Variants in NELL1 observed in about 807,000 individuals in gnomAD.
NELL1 encodes the protein neural EGFL like 1, also known as protein kinase C-binding protein NELL1.
In NELL1, 76 loss-of-function variants were observed where a neutral mutation model predicts 107.4. That is an observed-to-expected ratio of 0.71 (90% confidence interval 0.59 to 0.86). NELL1 has a LOEUF of 0.86. Ranked by LOEUF, NELL1 falls within the 40% of genes least tolerant of loss-of-function variation. NELL1 has a pLI of 0.00. For missense variants in NELL1, 1,024 were observed against 1,005.5 expected, an observed-to-expected ratio of 1.02 and a Z score of -0.25; for synonymous variants, 353 against 341.2, an observed-to-expected ratio of 1.03 and a Z score of -0.38.
chr11:20,885,169 CAG>C, intron 4 of NELL1, among the ~76,000 whole-genome samples: 1 of 152,310 alleles, frequency 6.6e-6, no homozygotes, highest in East Asian at 1.9e-4. Flanking sequence ...ACTTTCCCCA[CAG>C]AGTTTGTGGG....
At chr11:21,251,658 C>A (rs2133911117) in intron 14 of NELL1, among the ~76,000 whole-genome samples, 2 of 151,974 alleles carry the variant, frequency 1.3e-5, no homozygotes, top group African/African-American at 4.8e-5. Context: ...GCTGAAGTTA[C>A]CACCAGGCAG....
intron 14 of NELL1, among the ~76,000 whole-genome samples, chr11:21,367,080 C>G (rs1851238946): frequency 6.6e-6 from 1 of 151,762 alleles, no homozygotes; most frequent in African/African-American, 2.4e-5. Flanking sequence ...AAAAAGTACT[C>G]TTTCTGTGGA....
intron 12 of NELL1, among the ~76,000 whole-genome samples, chr11:21,024,479 G>A (rs923327870): frequency 2.6e-5 from 4 of 152,114 alleles, no homozygotes; most frequent in African/African-American, 7.2e-5. Context: ...ACTTTGAAGT[G>A]TTAGTTAAAA....
rs114169931 is a variant in NELL1 at position 20,970,900 on chromosome 11, C to T, written c.1300+10340C>T. On this transcript the variant is annotated intron_variant, in intron 12 of 19. Coordinates refer to ENST00000357134, the MANE Select transcript of NELL1 (RefSeq NM_006157.5). ...AAAAAAATTAGAACTTTTATTTATG[C>T]TTATTTTCATCTCATCCTCAATGAA... Among the ~76,000 whole-genome samples, 860 of 152,032 alleles carry T rather than the reference C, an allele frequency of 5.7e-3. 11 individuals are homozygous for T. Among genetic ancestry groups the T allele is most frequent in the African/African-American group, 0.02 (816 of 41,466 alleles).
At chr11:21,105,827 CTTCCCCTCT>C (rs1854945076) in intron 12 of NELL1, among the ~76,000 whole-genome samples, 2 of 1,294 alleles carry the variant, frequency 1.5e-3, no homozygotes, top group Non-Finnish European at 2.9e-3. Context: ...CCTTCCCTCC[CTTCCCCTCT>C]CTCCCCTCCC....
chr11:21,160,656 A>C (rs1315139073), intron 13 of NELL1, among the ~76,000 whole-genome samples: 1 of 152,228 alleles, frequency 6.6e-6, no homozygotes, highest in African/African-American at 2.4e-5. Flanking sequence ...TGGAGCTTTC[A>C]TAAAAAATAA....
chr11:20,932,653 T>C (rs1179121340), intron 9 of NELL1, among the ~76,000 whole-genome samples: 1 of 152,210 alleles, frequency 6.6e-6, no homozygotes, highest in African/African-American at 2.4e-5. Context: ...GGGTCCGCTA[T>C]TATCCCCATT....
At chr11:20,716,953 A>T (rs1007955819) in intron 2 of NELL1, among the ~76,000 whole-genome samples, 3 of 152,072 alleles carry the variant, frequency 2.0e-5, no homozygotes, top group Admixed American at 1.3e-4. Flanking sequence ...TTCACTCTCC[A>T]TTTTTCTTTT....
chr11:21,183,015 T>C (rs909798300), intron 13 of NELL1, among the ~76,000 whole-genome samples: 2 of 151,814 alleles, frequency 1.3e-5, no homozygotes, highest in African/African-American at 2.4e-5. Flanking sequence ...CTTTCACCCA[T>C]ATGGGCAGAG....
chr11:20,912,054 A>C (rs1441031064), intron 5 of NELL1, among the ~76,000 whole-genome samples: 1 of 152,180 alleles, frequency 6.6e-6, no homozygotes, highest in Non-Finnish European at 1.5e-5. Flanking sequence ...CAGAACTAAA[A>C]ATGCTTGTGA....
chr11:21,179,860 C>T (rs1299327357), intron 13 of NELL1, among the ~76,000 whole-genome samples: 13 of 59,744 alleles, frequency 2.2e-4, no homozygotes, highest in African/African-American at 8.7e-4. Context: ...GAAATCAACA[C>T]ACTTTTTTTT....
At chr11:20,775,459 C>T (rs575558023) in intron 2 of NELL1, among the ~76,000 whole-genome samples, 5 of 134,588 alleles carry the variant, frequency 3.7e-5, no homozygotes, top group African/African-American at 1.1e-4. Flanking sequence ...CACTCTTAAT[C>T]GTATTATAAA....
intron 9 of NELL1, among the ~76,000 whole-genome samples, chr11:20,928,763 C>T (rs1468521414): frequency 6.6e-6 from 1 of 152,086 alleles, no homozygotes; most frequent in Non-Finnish European, 1.5e-5. Context: ...GATTAAGTCA[C>T]TTGTCCAACA....
chr11:20,938,914 C>CTCTG (rs1554947422), intron 10 of NELL1, among the ~76,000 whole-genome samples: 1 of 87,822 alleles, frequency 1.1e-5, no homozygotes, highest in Non-Finnish European at 2.6e-5. Flanking sequence ...CTCTGTCTCT[C>CTCTG]TCTCTCTCTC....
intron 3 of NELL1, among the ~76,000 whole-genome samples, chr11:20,791,844 G>A (rs2133991707): frequency 6.7e-6 from 1 of 150,034 alleles, no homozygotes; most frequent in Middle Eastern, 3.5e-3. Context: ...TTCTTCACAT[G>A]CTATTTCTAT....
chr11:21,203,909 T>G (rs1791850), intron 13 of NELL1, among the ~76,000 whole-genome samples: 1 of 152,094 alleles, frequency 6.6e-6, no homozygotes, highest in Non-Finnish European at 1.5e-5. Context: ...GTTGAAAATT[T>G]GTTTCTCTAA....
intron 10 of NELL1, among the ~76,000 whole-genome samples, chr11:20,945,825 A>G (rs948131044): frequency 6.6e-6 from 1 of 152,192 alleles, no homozygotes; most frequent in Non-Finnish European, 1.5e-5. Context: ...GAGGATTAAA[A>G]ATGAAGTGCA....
chr11:21,360,896 G>C (rs1851061016), intron 14 of NELL1, among the ~76,000 whole-genome samples: 1 of 152,100 alleles, frequency 6.6e-6, no homozygotes, highest in African/African-American at 2.4e-5. Flanking sequence ...TTGTTTGGTG[G>C]ACTTCTATCC....
Position 21,012,974 on chromosome 11 carries a change from G to A in NELL1, c.1300+52414G>A, listed in dbSNP as rs1852480537. On this transcript the variant is annotated intron_variant, in intron 12 of 19. Coordinates refer to ENST00000357134, the MANE Select transcript of NELL1 (RefSeq NM_006157.5). ...CCTGAGCCGTAATTTCTAATCTTGT[G>A]GCTGTTTTGTTTGTTTTTACAAAGG... Among the ~76,000 whole-genome samples, 3 of 128,350 alleles carry A rather than the reference G, an allele frequency of 2.3e-5. No individual in the cohort carries two copies. The South Asian group carries it at 7.1e-4, about 30-fold the overall frequency. The allele number at this position is 128,350 out of a possible 152,430, so 84.2% of individuals were successfully genotyped here.
Sources: gnomAD v4.1 joint callset for allele counts (sites outside exome capture counted in the v4.1 genomes callset) on GRCh38, gnomAD v4.1.1 for gene constraint, MANE v1.5 for transcripts, NCBI Gene and HGNC (gene_info 2026-07-23, HGNC 2026-07-21) for gene names.